Variants in COPB1 observed in about 807,000 individuals in gnomAD.
COPB1 encodes the protein coatomer subunit beta.
Under a neutral mutation model 108.7 loss-of-function variants are expected in COPB1, and 21 were observed. The observed-to-expected ratio is 0.19, with a 90% confidence interval of 0.14 to 0.28. The LOEUF is 0.28. Among genes scored for constraint, COPB1 ranks in the 10% least tolerant of loss-of-function variants. The probability of loss-of-function intolerance (pLI) is 1.00; values close to 1 mark genes in which losing one functional copy is unlikely to be tolerated. For synonymous variants in COPB1, 378 were observed against 386.8 expected, an observed-to-expected ratio of 0.98 and a Z score of 0.27; for missense variants, 919 against 1,141.3, an observed-to-expected ratio of 0.81 and a Z score of 2.81.
intron 4 of COPB1, 64 bp from the exon 5 acceptor site, chr11:14,490,743 C>A: frequency 2.5e-6 from 2 of 810,998 alleles, no homozygotes; most frequent in South Asian, 1.7e-5. Flanking sequence ...TAGTAACTCT[C>A]TGGACAATAC....
intron 18 of COPB1, among the ~76,000 whole-genome samples, chr11:14,463,906 C>G (rs1235780597): frequency 1.3e-5 from 2 of 152,126 alleles, no homozygotes; most frequent in Non-Finnish European, 2.9e-5. Flanking sequence ...GGCTCAAGTC[C>G]TCTGCCATCT....
intron 15 of COPB1, 32 bp downstream of exon 15, chr11:14,469,304 A>T (rs766814633): frequency 6.4e-7 from 1 of 1,571,654 alleles, no homozygotes; most frequent in Non-Finnish European, 8.8e-7. Context: ...GAGACACAAA[A>T]CACTTTTGTT....
chr11:14,488,376 A>G (rs1850822294), intron 6 of COPB1, 116 bp downstream of exon 6: 1 of 494,110 alleles, frequency 2.0e-6, no homozygotes, highest in East Asian at 3.4e-5. Flanking sequence ...CTATGCTATA[A>G]AATATTTATA....
At chr11:14,490,337 T>TA (rs1373605474) in intron 5 of COPB1, among the ~76,000 whole-genome samples, 2 of 152,342 alleles carry the variant, frequency 1.3e-5, no homozygotes, top group Non-Finnish European at 1.5e-5. Context: ...GTGGCTGCTC[T>TA]AAAATGCCTC....
chr11:14,499,047 C>A (rs1363565885), intron 1 of COPB1, 62 bp from the exon 2 acceptor site: 15 of 737,754 alleles, frequency 2.0e-5, no homozygotes, highest in Non-Finnish European at 3.0e-5. Flanking sequence ...CAAACAAGTA[C>A]CTATAGTGAC....
At chr11:14,488,653 A>G in intron 5 of COPB1, 69 bp from the exon 6 acceptor site, 1 of 901,538 alleles carries the variant, frequency 1.1e-6, no homozygotes, top group Non-Finnish European at 1.7e-6. Context: ...GCATCTTAAA[A>G]AATACACACA....
chr11:14,481,437 G>T (rs557085118), intron 8 of COPB1, among the ~76,000 whole-genome samples: 48 of 152,140 alleles, frequency 3.2e-4, no homozygotes, highest in Non-Finnish European at 5.9e-4. Context: ...GCATTTTATA[G>T]TATTACTGGT....
At chr11:14,483,691 T>C (rs1212186575) in intron 7 of COPB1, among the ~76,000 whole-genome samples, 1 of 151,572 alleles carries the variant, frequency 6.6e-6, no homozygotes, top group African/African-American at 2.4e-5. Context: ...TCCATACTGA[T>C]ACAAAGAAAG....
intron 17 of COPB1, 73 bp downstream of exon 17, chr11:14,466,209 T>C (rs1262899501): frequency 1.4e-6 from 2 of 1,392,204 alleles, no homozygotes; most frequent in Non-Finnish European, 2.0e-6. Flanking sequence ...TACTGAAACC[T>C]GTGCACCTCC....
chr11:14,461,429 A>G (rs750281550), intron 18 of COPB1, 98 bp from the exon 19 acceptor site: 96 of 1,248,646 alleles, frequency 7.7e-5, no homozygotes, highest in Non-Finnish European at 9.7e-5. Flanking sequence ...ACTATTAACA[A>G]TAAGATTGTT....
At chr11:14,477,071 A>G in intron 11 of COPB1, 56 bp from the exon 12 acceptor site, 2 of 1,196,592 alleles carry the variant, frequency 1.7e-6, no homozygotes, top group Non-Finnish European at 2.5e-6. Context: ...TGAAGCAGAG[A>G]TCTTTCTTTG....
intron 10 of COPB1, among the ~76,000 whole-genome samples, chr11:14,480,058 C>G (rs1850628070): frequency 6.6e-6 from 1 of 152,258 alleles, no homozygotes; most frequent in Admixed American, 6.5e-5. Flanking sequence ...CTTGCCTAGC[C>G]CTCCCAAAGT....
At chr11:14,498,705 T>C (rs1376628508) in intron 2 of COPB1, 133 bp downstream of exon 2, 3 of 619,120 alleles carry the variant, frequency 4.8e-6, no homozygotes, top group Non-Finnish European at 8.0e-6. Flanking sequence ...TAATAAAAGG[T>C]CTATCGAAGA....
intron 14 of COPB1, 148 bp downstream of exon 14, chr11:14,474,347 A>G: frequency 1.7e-6 from 1 of 597,028 alleles, no homozygotes; most frequent in Non-Finnish European, 2.7e-6. Flanking sequence ...TTTTAGAGTA[A>G]TATATTACTG....
rs3214792 is a variant in COPB1 at position 14,499,020 on chromosome 11, TAAAA to T, written c.-57-39_-57-36del. ...TAAACACAGACATATCATTACAAAT[TAAAA>T]AAAAAAAACCCACAAACAAGTACCT... On this transcript the variant is annotated intron_variant, in intron 1 of 21. Coordinates refer to ENST00000439561, the MANE Select transcript of COPB1 (RefSeq NM_001144061.2). 173 of 805,162 alleles carry T rather than the reference TAAAA, an allele frequency of 2.1e-4. 1 individual carries two copies. Among genetic ancestry groups the T allele is most frequent in the Non-Finnish European group, 4.2e-5 (23 of 544,166 alleles). 49.9% of individuals were successfully genotyped at this position (805,162 alleles called of 1,614,324 possible).
intron 4 of COPB1, among the ~76,000 whole-genome samples, chr11:14,491,607 T>C (rs1329228479): frequency 2.0e-5 from 3 of 148,820 alleles, no homozygotes; most frequent in African/African-American, 7.5e-5. Flanking sequence ...AGGTGGAGGC[T>C]GCAGTAAGCT....
chr11:14,498,723 G>T (rs1851082085), intron 2 of COPB1, 115 bp downstream of exon 2: 2 of 803,660 alleles, frequency 2.5e-6, no homozygotes, highest in Non-Finnish European at 3.7e-6. Context: ...AGAGATCCTA[G>T]AAAAACTTTA....
intron 7 of COPB1, 77 bp from the exon 8 acceptor site, chr11:14,483,228 CCACA>C (rs3217599): frequency 0.39 from 197,584 of 500,446 alleles, 27,037 homozygotes; most frequent in East Asian, 0.47. Context: ...CGCGCGCACA[CCACA>C]CACACACACA....
chr11:14,490,549 T>C lies in COPB1; in HGVS notation c.606+16A>G. 1 of 1,477,126 alleles carries C rather than the reference T, an allele frequency of 6.8e-7. No homozygotes were observed. Among genetic ancestry groups the C allele is most frequent in the Admixed American group, 1.8e-5 (1 of 55,232 alleles). The allele number at this position is 1,477,126 out of a possible 1,614,324, so 91.5% of individuals were successfully genotyped here. A position where few individuals can be genotyped will look rare whatever the true frequency, so the allele number is the denominator to read the frequency against. On this transcript the variant is annotated intron_variant, in intron 5 of 21. Coordinates refer to ENST00000439561, the MANE Select transcript of COPB1 (RefSeq NM_001144061.2). ...TTAAATACAGTAATAAGAGTATTTT[T>C]TAAAAAGTACCTCACCTGATCTGCA... is the stretch of plus-strand genomic sequence containing the variant.
Sources: gnomAD v4.1 joint callset for allele counts (sites outside exome capture counted in the v4.1 genomes callset) on GRCh38, gnomAD v4.1.1 for gene constraint, MANE v1.5 for transcripts, NCBI Gene and HGNC (gene_info 2026-07-23, HGNC 2026-07-21) for gene names.